C11orf65: variants seen among roughly 807,000 people sequenced by gnomAD.
C11orf65 encodes the protein protein MFI.
A neutral mutation model predicts 35.3 loss-of-function variants in C11orf65; 38 were observed. The observed-to-expected ratio is 1.08, with a 90% CI of 0.83 to 1.41. The LOEUF (loss-of-function observed/expected upper bound fraction) is 1.41. Ranked by LOEUF, C11orf65 falls within the 40% of genes most tolerant of loss-of-function variation. C11orf65 has a pLI of 0.00. For synonymous variants in C11orf65, 105 were observed against 114.4 expected (o/e 0.92, Z 0.53); for missense variants, 370 against 367.1 (o/e 1.01, Z -0.06).
chr11:108,425,020 A>C (rs988184703), intron 3 of C11orf65, among the ~76,000 whole-genome samples: 6 of 152,248 alleles, frequency 3.9e-5, no homozygotes, highest in African/African-American at 1.2e-4. Context: ...TTAGAGGGAA[A>C]TTTATAGCAC....
At chr11:108,439,268 A>C (rs1390261778) in intron 2 of C11orf65, among the ~76,000 whole-genome samples, 3 of 152,372 alleles carry the variant, frequency 2.0e-5, no homozygotes, top group Non-Finnish European at 4.4e-5. Flanking sequence ...ATGTAAATCA[A>C]AACTGCAATG....
chr11:108,373,971 G>A (rs369907196), intron 2 of C11orf65, among the ~76,000 whole-genome samples: 7 of 152,212 alleles, frequency 4.6e-5, no homozygotes, highest in Non-Finnish European at 1.0e-4. Flanking sequence ...CGAGGCTGGC[G>A]GAGGGGCACC....
intron 8 of C11orf65, among the ~76,000 whole-genome samples, chr11:108,384,355 T>C (rs995102091): frequency 3.3e-5 from 5 of 152,206 alleles, no homozygotes; most frequent in Non-Finnish European, 5.9e-5. Flanking sequence ...GTATGCATTA[T>C]GAGATAGGCA....
intron 3 of C11orf65, among the ~76,000 whole-genome samples, chr11:108,333,082 A>T (rs1410587164): frequency 2.0e-5 from 3 of 152,148 alleles, no homozygotes; most frequent in Non-Finnish European, 4.4e-5. Flanking sequence ...CTCTTAATAG[A>T]ACTGGTAATA....
intron 2 of C11orf65, among the ~76,000 whole-genome samples, chr11:108,448,240 T>C (rs2093293937): frequency 6.6e-6 from 1 of 152,194 alleles, no homozygotes; most frequent in African/African-American, 2.4e-5. Context: ...TCTGAAACTA[T>C]TCCAATCAAT....
intron 2 of C11orf65, among the ~76,000 whole-genome samples, chr11:108,342,200 A>G (rs1470349689): frequency 6.6e-6 from 1 of 152,132 alleles, no homozygotes; most frequent in Non-Finnish European, 1.5e-5. Flanking sequence ...AAGATTGGAC[A>G]CCCCTGCCTA....
At chr11:108,335,393 T>G in intron 2 of C11orf65, 1 of 849,440 alleles carries the variant, frequency 1.2e-6, no homozygotes, top group South Asian at 1.7e-5. Context: ...AAAAAATACT[T>G]TGGTGTCTGT....
At chr11:108,414,860 C>T (rs1008368955) in intron 3 of C11orf65, among the ~76,000 whole-genome samples, 2 of 151,984 alleles carry the variant, frequency 1.3e-5, no homozygotes, top group Non-Finnish European at 2.9e-5. Context: ...AATAATTATA[C>T]ACCATGATCA....
At chr11:108,411,792 C>CTTT (rs555110271) in intron 3 of C11orf65, among the ~76,000 whole-genome samples, 2 of 143,306 alleles carry the variant, frequency 1.4e-5, no homozygotes, top group Admixed American at 7.0e-5. Context: ...TTTCTTTTTT[C>CTTT]TTTTTTTTTT....
intron 3 of C11orf65, chr11:108,331,916 C>T (rs1226186392): frequency 6.2e-7 from 1 of 1,613,944 alleles, no homozygotes. Context: ...CCCCATCACA[C>T]TTTGTTTATT....
chr11:108,417,219 T>C (rs1438936746), intron 3 of C11orf65, among the ~76,000 whole-genome samples: 1 of 151,910 alleles, frequency 6.6e-6, no homozygotes, highest in Non-Finnish European at 1.5e-5. Flanking sequence ...AGACAAAGAG[T>C]ATCCTACTGG....
chr11:108,362,855 C>T (rs1455588234), intron 2 of C11orf65, among the ~76,000 whole-genome samples: 12 of 150,204 alleles, frequency 8.0e-5, no homozygotes, highest in African/African-American at 1.5e-4. Flanking sequence ...TGCTAGATGA[C>T]GAGTTAGTGG....
chr11:108,356,946 G>A (rs1389198052), intron 2 of C11orf65, among the ~76,000 whole-genome samples: 2 of 152,222 alleles, frequency 1.3e-5, no homozygotes, highest in African/African-American at 4.8e-5. Context: ...GAGGAGCCAA[G>A]ATGGCCGAAT....
chr11:108,441,720 T>C (rs2135518618), intron 2 of C11orf65, among the ~76,000 whole-genome samples: 1 of 152,250 alleles, frequency 6.6e-6, no homozygotes, highest in South Asian at 2.1e-4. Flanking sequence ...AGGTCTGGAG[T>C]GGACTTCCAG....
chr11:108,308,733 A>C (rs938297856), exon 7 of C11orf65: 3 of 367,286 alleles, frequency 8.2e-6, no homozygotes, highest in Non-Finnish European at 1.5e-5. Flanking sequence ...AATGTTTTTA[A>C]GCCTAAATGC....
rs774993357 is a variant in C11orf65, at chr11:108,316,029, C to G, written c.641-6958G>C. 1.2e-6 allele frequency: 2 copies of G among 1,613,978 alleles called. No individual in the cohort carries two copies. The highest frequency in any genetic ancestry group is 1.7e-6 in the Non-Finnish European group (2 of 1,179,990). On this transcript the variant is annotated intron_variant, in intron 6 of 6. Coordinates refer to the C11orf65 transcript ENST00000525729. ...CTTATAGACTACGAACATATGAACA[C>G]GAAGCAATGTGGGGCAAAGCCCTAG...
chr11:108,315,130 T>C (rs998548183), intron 6 of C11orf65, among the ~76,000 whole-genome samples: 2 of 152,230 alleles, frequency 1.3e-5, no homozygotes, highest in Non-Finnish European at 1.5e-5. Flanking sequence ...CATTTCTGGA[T>C]ACAATTTACT....
intron 2 of C11orf65, among the ~76,000 whole-genome samples, chr11:108,444,483 C>A (rs1284567937): frequency 2.6e-5 from 4 of 152,114 alleles, no homozygotes; most frequent in African/African-American, 9.7e-5. Flanking sequence ...CCAACATCAT[C>A]CTGACACCAA....
intron 3 of C11orf65, among the ~76,000 whole-genome samples, chr11:108,408,974 G>A (rs1228490931): frequency 6.6e-6 from 1 of 151,980 alleles, no homozygotes; most frequent in African/African-American, 2.4e-5. Context: ...TATGAAGTGT[G>A]AGATCCTGTT....
Sources: allele counts gnomAD v4.1 joint callset (sites outside exome capture counted in the v4.1 genomes callset), GRCh38; gene constraint gnomAD v4.1.1; transcripts MANE v1.5; gene names NCBI Gene and HGNC (gene_info 2026-07-23, HGNC 2026-07-21).